Variants in ARF6 observed in about 807,000 individuals in gnomAD.
ARF6 encodes ADP-ribosylation factor 6.
For missense variants in ARF6, 75 were observed against 232.0 expected (o/e 0.32, Z 4.40); for synonymous variants, 127 against 95.5 (o/e 1.33, Z -1.92).
At position 49,895,985 on chromosome 14, in the gene ARF6, C is replaced by T. The variant is rs767188172; in HGVS notation, c.*1721C>T. Reference sequence around the variant, plus strand: ...AGGGTGTCTGAAAACTAAAATTGAGCGGGATATCATGGTATAGTTGGACAG... The same window carrying T: ...AGGGTGTCTGAAAACTAAAATTGAGTGGGATATCATGGTATAGTTGGACAG... On this transcript the variant is annotated 3_prime_UTR_variant, in exon 2 of 2. Transcript: ENST00000298316. 5 of 166,916 alleles carry T rather than the reference C, an allele frequency of 3.0e-5. No homozygotes were observed. Among genetic ancestry groups the T allele is most frequent in the South Asian group, 2.1e-4 (1 of 4,822 alleles). The allele number at this position is 166,916 out of a possible 1,614,324, so 10.3% of individuals were successfully genotyped here.
chr14:49,893,917 G>T lies in ARF6; in HGVS notation c.181G>T (p.Val61Leu). ...TVTYKNVKFN[V>L]WDVGGQDKIR... ...GACTTACAAAAATGTCAAGTTCAAC[G>T]TATGGGATGTGGGCGGCCAGGACAA... is the stretch of plus-strand genomic sequence containing the variant. Residue 61 changes from valine (V) to leucine (L), a missense_variant, in exon 2 of 2, where the codon GTA (valine) becomes TTA (leucine). Coordinates refer to ENST00000298316, the MANE Select transcript of ARF6 (RefSeq NM_001663.4). 3 of 1,614,196 alleles carry T rather than the reference G, an allele frequency of 1.9e-6. No individual in the cohort carries two copies. Among genetic ancestry groups the T allele is most frequent in the Non-Finnish European group, 2.5e-6 (3 of 1,180,030 alleles).
Position 49,895,034 on chromosome 14 carries a change from C to G in ARF6, c.*770C>G, listed in dbSNP as rs190716215. 1.1e-3 allele frequency: 186 copies of G among 167,162 alleles called. No individual in the cohort carries two copies. The highest frequency in any genetic ancestry group is 4.4e-3 in the African/African-American group (182 of 41,582). The allele number at this position is 167,162 out of a possible 1,614,324, so 10.4% of individuals were successfully genotyped here. On this transcript the variant is annotated 3_prime_UTR_variant, in exon 2 of 2. Coordinates refer to ENST00000298316, the MANE Select transcript of ARF6 (RefSeq NM_001663.4). ...GGAATAAAACCCAAGTTCCCCATAACGTAGATAACTTAATGCTGCATAAAA... is the reference window on the plus strand; with the variant it reads ...GGAATAAAACCCAAGTTCCCCATAAGGTAGATAACTTAATGCTGCATAAAA...
chr14:49,896,565 C>T lies in ARF6; in HGVS notation c.*2301C>T, dbSNP rs994614433. 1 of 166,860 alleles carries T rather than the reference C, an allele frequency of 6.0e-6. No individual in the cohort carries two copies. Among genetic ancestry groups the T allele is most frequent in the Non-Finnish European group, 1.5e-5 (1 of 68,068 alleles). 10.3% of individuals were successfully genotyped at this position (166,860 alleles called of 1,614,324 possible). ...GGGGCATAGTTAAAATTTTATACATCAAGTGATTGCTATTATTGAATGTTG... is the reference window on the plus strand; with the variant it reads ...GGGGCATAGTTAAAATTTTATACATTAAGTGATTGCTATTATTGAATGTTG... On this transcript the variant is annotated 3_prime_UTR_variant, in exon 2 of 2. Transcript: ENST00000298316.
chr14:49,893,779 C>T lies in ARF6; in HGVS notation c.43C>T (p.Arg15Trp), dbSNP rs61754359. ...LSKIFGNKEM[R>W]ILMLGLDAAG... ...CAAAATCTTCGGGAACAAGGAAATG[C>T]GGATCCTCATGTTGGGCCTGGACGC... The change falls in exon 2 of 2, where the codon CGG (arginine) becomes TGG (tryptophan). Residue 15 changes from arginine (R) to tryptophan (W), a missense_variant. Coordinates refer to ENST00000298316, the MANE Select transcript of ARF6 (RefSeq NM_001663.4). 1 of 1,614,226 alleles carries T rather than the reference C, an allele frequency of 6.2e-7. No homozygotes were observed. The highest frequency in any genetic ancestry group is 8.5e-7 in the Non-Finnish European group (1 of 1,180,030).
rs945754093 is a variant in ARF6, at chr14:49,896,468, C to G, written c.*2204C>G. The G allele has an allele frequency of 6.0e-6, 1 of 167,006 alleles. No homozygotes were observed. The highest frequency in any genetic ancestry group is 2.4e-5 in the African/African-American group (1 of 41,438). 10.3% of individuals were successfully genotyped at this position (167,006 alleles called of 1,614,324 possible). ...GAAACTTGAAACCCTCATGTTAAAT[C>G]TTAAATGTAGTATTTCTAACTTGTG... On this transcript the variant is annotated 3_prime_UTR_variant, in exon 2 of 2. Transcript: ENST00000298316.
At position 49,896,208 on chromosome 14, in the gene ARF6, A is replaced by G. The variant is rs369469022; in HGVS notation, c.*1944A>G. ...ATTTTTTTGATTTCAGGATACAACT[A>G]AAGTACGAAGTTCTCAGTTTCACTT... On this transcript the variant is annotated 3_prime_UTR_variant, in exon 2 of 2. Transcript: ENST00000298316. The G allele has an allele frequency of 3.6e-5, 6 of 166,956 alleles. No homozygotes were observed. The South Asian group carries it at 1.0e-3, about 29-fold the overall frequency. The allele number at this position is 166,956 out of a possible 1,614,324, so 10.3% of individuals were successfully genotyped here.
In ARF6 at chr14:49,896,544, CAT is replaced by C. The variant is rs1038298532; in HGVS notation, c.*2282_*2283del. ...TTTTGTGTCTTAAAATAACTGGGGGCATAGTTAAAATTTTATACATCAAGTGA... is the reference window on the plus strand; with the variant it reads ...TTTTGTGTCTTAAAATAACTGGGGGCAGTTAAAATTTTATACATCAAGTGA... On this transcript the variant is annotated 3_prime_UTR_variant, in exon 2 of 2. Coordinates refer to ENST00000298316, the MANE Select transcript of ARF6 (RefSeq NM_001663.4). The C allele has an allele frequency of 6.0e-6, 1 of 166,810 alleles. No individual in the cohort carries two copies. Among genetic ancestry groups the C allele is most frequent in the African/African-American group, 2.4e-5 (1 of 41,360 alleles). 10.3% of individuals were successfully genotyped at this position (166,810 alleles called of 1,614,324 possible). A position where few individuals can be genotyped will look rare whatever the true frequency, so the allele number is the denominator to read the frequency against.
At position 49,894,573 on chromosome 14, in the gene ARF6, ACAG is replaced by A. The variant is rs1894496465; in HGVS notation, c.*313_*315del. ...TTCCAGCAGATGGGATGGGGGAAAC[ACAG>A]CAGTTCTTGGTAAAGTCCTTTGTAA... On this transcript the variant is annotated 3_prime_UTR_variant, in exon 2 of 2. Coordinates refer to ENST00000298316, the MANE Select transcript of ARF6 (RefSeq NM_001663.4). 7.0e-6 allele frequency: 2 copies of A among 287,282 alleles called. No individual in the cohort carries two copies. Among genetic ancestry groups the A allele is most frequent in the Non-Finnish European group, 1.4e-5 (2 of 143,506 alleles). The allele number at this position is 287,282 out of a possible 1,614,324, so 17.8% of individuals were successfully genotyped here. A position where few individuals can be genotyped will look rare whatever the true frequency, so the allele number is the denominator to read the frequency against.
At position 49,893,691 on chromosome 14, in the gene ARF6, G is replaced by A. The variant is rs1185723354; in HGVS notation, c.-46G>A. 1.9e-6 allele frequency: 3 copies of A among 1,585,742 alleles called. No individual in the cohort carries two copies. Among genetic ancestry groups the A allele is most frequent in the Non-Finnish European group, 1.7e-6 (2 of 1,162,836 alleles). On this transcript the variant is annotated 5_prime_UTR_variant, in exon 2 of 2. Transcript: ENST00000298316. ...GCGGCGGCGGCGTTGTTGGCTGAGGGGACCCGGGACACCTGAATGCCCCCG... is the reference window on the plus strand; with the variant it reads ...GCGGCGGCGGCGTTGTTGGCTGAGGAGACCCGGGACACCTGAATGCCCCCG...
chr14:49,893,979 C>G lies in ARF6; in HGVS notation c.243C>G (p.Thr81=). The part of the protein sequence containing the change: ...RPLWRHYYTG[T]QGLIFVVDCA... ...TCTGGCGGCATTACTACACTGGGAC[C>G]CAAGGTCTCATCTTCGTAGTGGACT... is the stretch of plus-strand genomic sequence containing the variant. The change falls in exon 2 of 2, where the codon ACC becomes ACG. Residue 81 remains threonine, a synonymous_variant. Coordinates refer to ENST00000298316, the MANE Select transcript of ARF6 (RefSeq NM_001663.4). 2.5e-6 allele frequency: 4 copies of G among 1,614,226 alleles called. No individual in the cohort carries two copies. Among genetic ancestry groups the G allele is most frequent in the Non-Finnish European group, 3.4e-6 (4 of 1,180,040 alleles).
rs1388243689 is a variant in ARF6, at chr14:49,896,532, A to T, written c.*2268A>T. 1 of 167,062 alleles carries T rather than the reference A, an allele frequency of 6.0e-6. No homozygotes were observed. The highest frequency in any genetic ancestry group is 1.5e-5 in the Non-Finnish European group (1 of 68,088). 10.3% of individuals were successfully genotyped at this position (167,062 alleles called of 1,614,324 possible). A position where few individuals can be genotyped will look rare whatever the true frequency, so the allele number is the denominator to read the frequency against. On this transcript the variant is annotated 3_prime_UTR_variant, in exon 2 of 2. Transcript: ENST00000298316. ...AGGCAGCCATTTTTTTGTGTCTTAA[A>T]ATAACTGGGGGCATAGTTAAAATTT... is the stretch of plus-strand genomic sequence containing the variant.
Position 49,894,458 on chromosome 14 carries a change from T to A in ARF6, c.*194T>A. ...TTTGTTTCCCTTTCTTTTTCCTTTTTTTTTTTTTTTTTTTTTTGTTGGCTT... is the reference window on the plus strand; with the variant it reads ...TTTGTTTCCCTTTCTTTTTCCTTTTATTTTTTTTTTTTTTTTTGTTGGCTT... On this transcript the variant is annotated 3_prime_UTR_variant, in exon 2 of 2. Transcript: ENST00000298316. 9 of 342,110 alleles carry A rather than the reference T, an allele frequency of 2.6e-5. No homozygotes were observed. The highest frequency in any genetic ancestry group is 5.5e-5 in the East Asian group (1 of 18,116). 21.2% of individuals were successfully genotyped at this position (342,110 alleles called of 1,614,324 possible).
rs1444264290 is a variant in ARF6, at chr14:49,896,151, A to G, written c.*1887A>G. On this transcript the variant is annotated 3_prime_UTR_variant, in exon 2 of 2. Transcript: ENST00000298316. ...TTACTTAAAGCAGATGCAAAAGGGT[A>G]TTCTCATGTAGGCTCCTGTTGGTGC... is the stretch of plus-strand genomic sequence containing the variant. 1.8e-5 allele frequency: 3 copies of G among 165,698 alleles called. No homozygotes were observed. The highest frequency in any genetic ancestry group is 4.4e-5 in the Non-Finnish European group (3 of 68,082). The allele number at this position is 165,698 out of a possible 1,614,324, so 10.3% of individuals were successfully genotyped here.
chr14:49,893,865 C>T lies in ARF6; in HGVS notation c.129C>T (p.Pro43=), dbSNP rs750730156. The T allele has an allele frequency of 1.1e-4, 184 of 1,614,126 alleles. No homozygotes were observed. The highest frequency in any genetic ancestry group is 1.5e-4 in the Non-Finnish European group (173 of 1,180,046). ...LKLGQSVTTI[P]TVGFNVETVT... The stretch of plus-strand genomic sequence containing the variant: ...TGGGCCAGTCGGTGACCACCATTCC[C>T]ACTGTGGGTTTCAACGTGGAGACGG... Residue 43 remains proline (P), a synonymous_variant, in exon 2 of 2, where the codon CCC becomes CCT. Transcript: ENST00000298316.
rs1894477348 is a variant in ARF6 at position 49,893,505 on chromosome 14, C to T, written c.-232C>T. On this transcript the variant is annotated 5_prime_UTR_variant, in exon 2 of 2. Coordinates refer to ENST00000298316, the MANE Select transcript of ARF6 (RefSeq NM_001663.4). ...CTCAGCAGGGCGGCGGCTCCCAGCG[C>T]AGTCTCAGGGCCCGGGTGGCGGCGG... 5 of 527,956 alleles carry T rather than the reference C, an allele frequency of 9.5e-6. No homozygotes were observed. The highest frequency in any genetic ancestry group is 6.5e-5 in the East Asian group (2 of 30,556). The allele number at this position is 527,956 out of a possible 1,614,324, so 32.7% of individuals were successfully genotyped here. A position where few individuals can be genotyped will look rare whatever the true frequency, so the allele number is the denominator to read the frequency against.
chr14:49,893,664 C>G lies in ARF6; in HGVS notation c.-73C>G, dbSNP rs1283723807. ...GCCGAGAGGCTTCGTTTCGGTTTCGCGGCGGCGGCGGCGTTGTTGGCTGAG... is the reference window on the plus strand; with the variant it reads ...GCCGAGAGGCTTCGTTTCGGTTTCGGGGCGGCGGCGGCGTTGTTGGCTGAG... On this transcript the variant is annotated 5_prime_UTR_variant, in exon 2 of 2. Transcript: ENST00000298316. 1 of 1,518,342 alleles carries G rather than the reference C, an allele frequency of 6.6e-7. No individual in the cohort carries two copies. Among genetic ancestry groups the G allele is most frequent in the Non-Finnish European group, 8.9e-7 (1 of 1,120,380 alleles). 94.1% of individuals were successfully genotyped at this position (1,518,342 alleles called of 1,614,324 possible). A position where few individuals can be genotyped will look rare whatever the true frequency, so the allele number is the denominator to read the frequency against.
Position 49,893,577 on chromosome 14 carries a change from G to A in ARF6, c.-160G>A. On this transcript the variant is annotated 5_prime_UTR_variant, in exon 2 of 2. Coordinates refer to ENST00000298316, the MANE Select transcript of ARF6 (RefSeq NM_001663.4). ...GCGGTCGGTGATGCCCGAGTGAGCG[G>A]GGGGCCTGGGCCTCTGCCCTTAGGA... The A allele has an allele frequency of 2.5e-6, 2 of 804,866 alleles. No homozygotes were observed. The highest frequency in any genetic ancestry group is 3.9e-6 in the Non-Finnish European group (2 of 512,918). 49.9% of individuals were successfully genotyped at this position (804,866 alleles called of 1,614,324 possible).
Position 49,893,622 on chromosome 14 carries a change from G to A in ARF6, c.-115G>A. 1.4e-6 allele frequency: 2 copies of A among 1,390,854 alleles called. No individual in the cohort carries two copies. The highest frequency in any genetic ancestry group is 2.0e-6 in the Non-Finnish European group (2 of 1,014,228). The allele number at this position is 1,390,854 out of a possible 1,614,324, so 86.2% of individuals were successfully genotyped here. On this transcript the variant is annotated 5_prime_UTR_variant, in exon 2 of 2. Coordinates refer to ENST00000298316, the MANE Select transcript of ARF6 (RefSeq NM_001663.4). ...TTAGGAGGCAACTCCCACGCAGGCC[G>A]CAAAGGCGCTCTCGCGGCCGAGAGG...
rs1223322350 is a variant in ARF6 at position 49,895,835 on chromosome 14, G to T, written c.*1571G>T. 1 of 166,780 alleles carries T rather than the reference G, an allele frequency of 6.0e-6. No homozygotes were observed. The highest frequency in any genetic ancestry group is 1.9e-4 in the East Asian group (1 of 5,208). 10.3% of individuals were successfully genotyped at this position (166,780 alleles called of 1,614,324 possible). A position where few individuals can be genotyped will look rare whatever the true frequency, so the allele number is the denominator to read the frequency against. On this transcript the variant is annotated 3_prime_UTR_variant, in exon 2 of 2. Transcript: ENST00000298316. ...ATGCTTGATGCAGAATTGTAAAGCA[G>T]CATCTGGTTCCTATATAGCCTTAAG... is the stretch of plus-strand genomic sequence containing the variant.
Sources: gnomAD v4.1 joint callset for allele counts on GRCh38, gnomAD v4.1.1 for gene constraint, MANE v1.5 for transcripts, NCBI Gene and HGNC (gene_info 2026-07-23, HGNC 2026-07-21) for gene names.